FEZ1: variants seen among roughly 807,000 people sequenced by gnomAD.
FEZ1 encodes the protein fasciculation and elongation protein zeta-1.
A neutral mutation model predicts 49.3 loss-of-function variants in FEZ1; 20 were observed. The observed-to-expected ratio is 0.41, with a 90% CI of 0.29 to 0.59. The LOEUF (loss-of-function observed/expected upper bound fraction) is 0.59, where lower values mean the gene tolerates loss of function less well. FEZ1 is among the 20% of genes least tolerant of loss of function. FEZ1 has a pLI of 0.36. For synonymous variants in FEZ1, 170 were observed against 180.9 expected (o/e 0.94, Z 0.48); for missense variants, 413 against 476.0 (o/e 0.87, Z 1.23).
rs1565529934 is a variant in FEZ1 at position 125,448,557 on chromosome 11, G to A, written c.1107C>T (p.Ala369=). 1.2e-6 allele frequency: 2 copies of A among 1,609,516 alleles called. No homozygotes were observed. The highest frequency in any genetic ancestry group is 2.2e-5 in the East Asian group (1 of 44,832). ...GCACCTTCTCATTATCCTCCTTCAT[G>A]GCAAAGAGAACTAGGAAAGGAGACA... is the stretch of plus-strand genomic sequence containing the variant. The part of the protein sequence containing the change: ...DLQMLTNILF[A]MKEDNEKVPT... The change falls in exon 9 of 10, where the codon GCC becomes GCT. Residue 369 remains alanine, a synonymous_variant. Coordinates refer to ENST00000278919, the MANE Select transcript of FEZ1 (RefSeq NM_005103.5).
In FEZ1 at chr11:125,445,567, T is replaced by C. The variant is rs1956890993; in HGVS notation, c.*528A>G. Among the ~76,000 whole-genome samples, 2 of 152,170 alleles carry C rather than the reference T, an allele frequency of 1.3e-5. No homozygotes were observed. The highest frequency in any genetic ancestry group is 4.8e-5 in the African/African-American group (2 of 41,444). On this transcript the variant is annotated 3_prime_UTR_variant, in exon 10 of 10. Coordinates refer to ENST00000278919, the MANE Select transcript of FEZ1 (RefSeq NM_005103.5). The surrounding 1 kb of genome is among the most constrained non-coding windows in gnomAD (Gnocchi z 4.4). ...GCAGAGGGTCTCCTTCTGCCTATGC[T>C]GTATGCAGCCCCACTGTGTCCCATG...
rs1255934135 is a variant in FEZ1, at chr11:125,493,394, GA to G, written c.-46+2726del. ...AGAAAGAAAGAAAGAAAGAAAGAAA[GA>G]AAGAAAGAAAGAAAGAAAGAAAGAA... On this transcript the variant is annotated intron_variant, in intron 1 of 9. Coordinates refer to ENST00000278919, the MANE Select transcript of FEZ1 (RefSeq NM_005103.5). Among the ~76,000 whole-genome samples, 32 of 59,318 alleles carry G rather than the reference GA, an allele frequency of 5.4e-4. 2 individuals carry two copies. The highest frequency in any genetic ancestry group is 8.3e-4 in the East Asian group (2 of 2,418). The allele number at this position is 59,318 out of a possible 152,430, so 38.9% of individuals were successfully genotyped here. A position where few individuals can be genotyped will look rare whatever the true frequency, so the allele number is the denominator to read the frequency against.
intron 2 of FEZ1, among the ~76,000 whole-genome samples, chr11:125,484,217 C>G (rs750681765): frequency 6.6e-6 from 1 of 152,194 alleles, no homozygotes; most frequent in Non-Finnish European, 1.5e-5. Context: ...GTACTCTAAA[C>G]CAGATTCGAA....
intron 2 of FEZ1, among the ~76,000 whole-genome samples, chr11:125,484,624 C>T (rs1957311102): frequency 2.0e-5 from 3 of 148,300 alleles, no homozygotes; most frequent in African/African-American, 7.5e-5. Flanking sequence ...GCCGAGATGG[C>T]GCCATTGCAC....
At position 125,489,552 on chromosome 11, in the gene FEZ1, T is replaced by C. The variant is rs1232979254; in HGVS notation, c.226A>G (p.Asn76Asp). 5.0e-6 allele frequency: 8 copies of C among 1,614,034 alleles called. No individual in the cohort carries two copies. Among genetic ancestry groups the C allele is most frequent in the African/African-American group, 1.3e-5 (1 of 74,914 alleles). ...FDEKLNVCFRNYNAKTENLAP... is the reference protein window; with the variant it reads ...FDEKLNVCFRDYNAKTENLAP... ...AGGTTCTCGGTCTTGGCGTTGTAGT[T>C]CCGAAAGCAGACATTGAGCTTCTCA... Residue 76 changes from asparagine to aspartate, a missense_variant, in exon 2 of 10, where the codon AAC becomes GAC. By Grantham distance (23) the Asn-to-Asp change is conservative (BLOSUM62 1). Coordinates refer to ENST00000278919, the MANE Select transcript of FEZ1 (RefSeq NM_005103.5). This position sits in a 1 kb window ranked among gnomAD's most constrained non-coding sequence, Gnocchi z 4.2.
rs1591608531 is a variant in FEZ1 at position 125,495,241 on chromosome 11, C to G, written c.-46+880G>C. 3 of 388,772 alleles carry G rather than the reference C, an allele frequency of 7.7e-6. No homozygotes were observed. The East Asian group carries it at 2.2e-4, about 29-fold the overall frequency. 24.1% of individuals were successfully genotyped at this position (388,772 alleles called of 1,614,324 possible). The stretch of plus-strand genomic sequence containing the variant: ...CACAATGGCTGGCACTCTGAGGAAG[C>G]CGGACTCATCCCGTGCAGGCCGCAT... On this transcript the variant is annotated intron_variant, in intron 1 of 9. Transcript: ENST00000278919. The surrounding 1 kb of genome is among the most constrained non-coding windows in gnomAD (Gnocchi z 4.2).
chr11:125,456,712 A>G (rs1957014191), intron 5 of FEZ1, among the ~76,000 whole-genome samples: 1 of 152,230 alleles, frequency 6.6e-6, no homozygotes, highest in African/African-American at 2.4e-5. Context: ...AGCTACTTTC[A>G]AAGGAAAGAA....
In FEZ1 at chr11:125,445,582, T is replaced by C. The variant is rs1312846907; in HGVS notation, c.*513A>G. Among the ~76,000 whole-genome samples, 1 of 152,168 alleles carries C rather than the reference T, an allele frequency of 6.6e-6. No homozygotes were observed. Among genetic ancestry groups the C allele is most frequent in the Non-Finnish European group, 1.5e-5 (1 of 68,036 alleles). On this transcript the variant is annotated 3_prime_UTR_variant, in exon 10 of 10. Transcript: ENST00000278919. This position sits in a 1 kb window ranked among gnomAD's most constrained non-coding sequence, Gnocchi z 4.4. ...CTGCCTATGCTGTATGCAGCCCCACTGTGTCCCATGATCCCACCACGACCC... is the reference window on the plus strand; with the variant it reads ...CTGCCTATGCTGTATGCAGCCCCACCGTGTCCCATGATCCCACCACGACCC...
chr11:125,475,883 AAAG>A (rs1303030194), intron 3 of FEZ1, among the ~76,000 whole-genome samples: 1 of 152,228 alleles, frequency 6.6e-6, no homozygotes, highest in Non-Finnish European at 1.5e-5. Flanking sequence ...AAATATGCAA[AAAG>A]TAGAAAAAAA....
At chr11:125,447,350 T>A (rs1355163549) in intron 9 of FEZ1, among the ~76,000 whole-genome samples, 1 of 152,106 alleles carries the variant, frequency 6.6e-6, no homozygotes, top group Non-Finnish European at 1.5e-5. Flanking sequence ...CTCCAACAAA[T>A]GCATTTCAAG....
intron 4 of FEZ1, among the ~76,000 whole-genome samples, chr11:125,461,562 G>C (rs1224760353): frequency 1.3e-5 from 2 of 152,240 alleles, no homozygotes; most frequent in African/African-American, 4.8e-5. Flanking sequence ...AACCGAGACT[G>C]GGCCACTGGA....
Position 125,489,316 on chromosome 11 carries a change from T to G in FEZ1, c.311+151A>C. 7.1e-7 allele frequency: 1 copy of G among 1,416,516 alleles called. No individual in the cohort carries two copies. Among genetic ancestry groups the G allele is most frequent in the African/African-American group, 1.4e-5 (1 of 69,502 alleles). 87.7% of individuals were successfully genotyped at this position (1,416,516 alleles called of 1,614,324 possible). A position where few individuals can be genotyped will look rare whatever the true frequency, so the allele number is the denominator to read the frequency against. On this transcript the variant is annotated intron_variant, in intron 2 of 9. Coordinates refer to ENST00000278919, the MANE Select transcript of FEZ1 (RefSeq NM_005103.5). The surrounding 1 kb of genome is among the most constrained non-coding windows in gnomAD (Gnocchi z 4.2). ...CTGTAAAGGGACATATATAGAGCTA[T>G]GACAGCAAGTACCAGGGCACTGCTC...
chr11:125,482,974 T>TAAAAAAAAAAAAAAAAAAA (rs56169482), intron 2 of FEZ1, among the ~76,000 whole-genome samples: 3 of 28,758 alleles, frequency 1.0e-4, no homozygotes, highest in Non-Finnish European at 1.7e-4. Flanking sequence ...CAAGACACTG[T>TAAAAAAAAAAAAAAAAAAA]AAAAAAAAAA....
intron 9 of FEZ1, among the ~76,000 whole-genome samples, chr11:125,446,887 C>A (rs1956904273): frequency 6.6e-6 from 1 of 151,926 alleles, no homozygotes; most frequent in South Asian, 2.1e-4. Context: ...GTTGCCCAGG[C>A]TGGACAAGTT....
intron 7 of FEZ1, chr11:125,452,866 A>C (rs1956970396): frequency 6.4e-6 from 1 of 155,240 alleles, no homozygotes; most frequent in Non-Finnish European, 1.4e-5. Context: ...CCTACAACAA[A>C]ACCAGCATCA....
At chr11:125,493,409 A>AGAAAGAAAGAAG (rs1957409889) in intron 1 of FEZ1, among the ~76,000 whole-genome samples, 5 of 68,404 alleles carry the variant, frequency 7.3e-5, no homozygotes, top group Admixed American at 1.8e-4. Flanking sequence ...AAAGAAAGAA[A>AGAAAGAAAGAAG]GAAAGAAAGA....
intron 8 of FEZ1, among the ~76,000 whole-genome samples, chr11:125,449,417 TAAAAAAAAAAA>T (rs35920814): frequency 1.9e-4 from 5 of 27,014 alleles, no homozygotes; most frequent in Non-Finnish European, 2.4e-4. Flanking sequence ...TTTGTCTCTA[TAAAAAAAAAAA>T]AAAAAAAAAA....
At chr11:125,473,930 G>T (rs1957205630) in intron 3 of FEZ1, among the ~76,000 whole-genome samples, 1 of 151,686 alleles carries the variant, frequency 6.6e-6, no homozygotes. Flanking sequence ...AAATCTTAGT[G>T]ACCTTGGGTT....
intron 1 of FEZ1, among the ~76,000 whole-genome samples, chr11:125,493,473 GGAAA>G (rs1957417492): frequency 1.9e-5 from 1 of 53,204 alleles, no homozygotes; most frequent in Admixed American, 2.1e-4. Context: ...AAGGAAAGAA[GGAAA>G]GAAGGAAAGA....
Sources: allele counts gnomAD v4.1 joint callset (sites outside exome capture counted in the v4.1 genomes callset), GRCh38; gene constraint gnomAD v4.1.1; non-coding constraint Gnocchi (gnomAD v3.1); transcripts MANE v1.5; gene names NCBI Gene and HGNC (gene_info 2026-07-23, HGNC 2026-07-21).